ITFG1: variants seen among roughly 807,000 people sequenced by gnomAD.
ITFG1 encodes T-cell immunomodulatory protein.
A neutral mutation model predicts 81.8 loss-of-function variants in ITFG1; 34 were observed. The ratio of observed to expected loss-of-function variants is 0.42; its 90% CI spans 0.32 to 0.55. The LOEUF (loss-of-function observed/expected upper bound fraction) is 0.55, where lower values mean the gene tolerates loss of function less well. Ranked by LOEUF, ITFG1 falls within the 20% of genes least tolerant of loss-of-function variation. The pLI is 0.17. For synonymous variants in ITFG1, 285 were observed against 270.6 expected, an observed-to-expected ratio of 1.05 and a Z score of -0.52; for missense variants, 672 against 755.4, an observed-to-expected ratio of 0.89 and a Z score of 1.29.
Position 47,397,255 on chromosome 16 carries a change from G to C in ITFG1, c.656-21315C>G, listed in dbSNP as rs376331496. 3.3e-5 allele frequency among the ~76,000 whole-genome samples: 5 copies of C among 152,250 alleles called. No individual in the cohort carries two copies. In the East Asian group the frequency reaches 7.7e-4, roughly 24 times the overall value. ...TGAAAAGAAGCAAGAATGCAGATGA[G>C]AGCTGATGGTGGAGCTGGTGTTCCA... On this transcript the variant is annotated intron_variant, in intron 6 of 17. Coordinates refer to ENST00000320640, the MANE Select transcript of ITFG1 (RefSeq NM_030790.5).
chr16:47,166,516 G>A (rs1964891529), intron 14 of ITFG1, among the ~76,000 whole-genome samples: 2 of 151,826 alleles, frequency 1.3e-5, no homozygotes, highest in South Asian at 4.1e-4. Context: ...GAAAATTCTT[G>A]AAAAATAAAT....
chr16:47,211,619 AT>A (rs1965561701), intron 14 of ITFG1, among the ~76,000 whole-genome samples: 1 of 152,218 alleles, frequency 6.6e-6, no homozygotes, highest in Non-Finnish European at 1.5e-5. Flanking sequence ...TCAGTCTTTT[AT>A]CATTAAGCAT....
At chr16:47,281,239 A>C (rs2151550371) in intron 10 of ITFG1, among the ~76,000 whole-genome samples, 1 of 152,304 alleles carries the variant, frequency 6.6e-6, no homozygotes, top group Middle Eastern at 3.4e-3. Flanking sequence ...GGCTTGGATC[A>C]CTGGGCACAC....
intron 7 of ITFG1, among the ~76,000 whole-genome samples, chr16:47,375,418 A>C (rs1488030623): frequency 6.6e-6 from 1 of 152,216 alleles, no homozygotes; most frequent in Non-Finnish European, 1.5e-5. Flanking sequence ...TTAAAAAAAA[A>C]AAAACCCTAT....
chr16:47,253,078 A>G (rs531859737), intron 12 of ITFG1, among the ~76,000 whole-genome samples: 1 of 152,270 alleles, frequency 6.6e-6, no homozygotes, highest in East Asian at 1.9e-4. Context: ...TATGGGTCTC[A>G]GCTTGGAGAT....
intron 13 of ITFG1, among the ~76,000 whole-genome samples, chr16:47,224,151 CATGTATACAT>C (rs1965730621): frequency 6.6e-6 from 1 of 151,980 alleles, no homozygotes. Flanking sequence ...CAGCATGGCA[CATGTATACAT>C]ATGTAACAAA....
At chr16:47,397,856 C>T (rs1189742578) in intron 6 of ITFG1, among the ~76,000 whole-genome samples, 2 of 152,088 alleles carry the variant, frequency 1.3e-5, no homozygotes, top group African/African-American at 4.8e-5. Flanking sequence ...CAGGCAGCCA[C>T]GGGAACTAGC....
chr16:47,235,393 T>C (rs1388309237), intron 13 of ITFG1, among the ~76,000 whole-genome samples: 1 of 151,714 alleles, frequency 6.6e-6, no homozygotes. Flanking sequence ...AGTAACAGAG[T>C]GGGAGGGCTG....
chr16:47,304,629 C>T (rs566067378), intron 10 of ITFG1, among the ~76,000 whole-genome samples: 2 of 152,198 alleles, frequency 1.3e-5, no homozygotes, highest in South Asian at 4.1e-4. Context: ...ATATATGTGA[C>T]TGAAAGTATA....
At chr16:47,383,327 T>C (rs532003973) in intron 6 of ITFG1, among the ~76,000 whole-genome samples, 1 of 152,340 alleles carries the variant, frequency 6.6e-6, no homozygotes, top group Admixed American at 6.5e-5. Flanking sequence ...TTTTAAAATA[T>C]AAATTTTAGA....
At chr16:47,180,195 G>T (rs2151512991) in intron 14 of ITFG1, among the ~76,000 whole-genome samples, 1 of 152,278 alleles carries the variant, frequency 6.6e-6, no homozygotes, top group African/African-American at 2.4e-5. Flanking sequence ...AATTTGTGCA[G>T]TTGTTTTAGT....
chr16:47,357,070 G>C (rs1228996248), intron 8 of ITFG1, among the ~76,000 whole-genome samples: 4 of 151,958 alleles, frequency 2.6e-5, no homozygotes, highest in South Asian at 2.1e-4. Context: ...GCTATGCATA[G>C]TTAACAGAAC....
Position 47,321,095 on chromosome 16 carries a change from G to C in ITFG1, c.803-7272C>G, listed in dbSNP as rs75508323. 2.8e-3 allele frequency among the ~76,000 whole-genome samples: 430 copies of C among 152,324 alleles called. 1 individual carries two copies. Among genetic ancestry groups the C allele is most frequent in the Non-Finnish European group, 3.0e-3 (206 of 68,020 alleles). On this transcript the variant is annotated intron_variant, in intron 8 of 17. Transcript: ENST00000320640. Reference sequence around the variant, plus strand: ...GCATGACAGCTAACACAGGGAATAAGTCAAAATGCCTCCTTCCACCATCTG... The same window carrying C: ...GCATGACAGCTAACACAGGGAATAACTCAAAATGCCTCCTTCCACCATCTG...
chr16:47,173,655 A>G (rs955081513), intron 14 of ITFG1, among the ~76,000 whole-genome samples: 1 of 152,244 alleles, frequency 6.6e-6, no homozygotes, highest in Non-Finnish European at 1.5e-5. Context: ...TCCAACCACC[A>G]GATTCAAATG....
intron 12 of ITFG1, among the ~76,000 whole-genome samples, chr16:47,242,131 C>T (rs11859248): frequency 6.6e-6 from 1 of 151,658 alleles, no homozygotes; most frequent in Non-Finnish European, 1.5e-5. Context: ...AATTACATCT[C>T]AATAAAGCTG....
intron 2 of ITFG1, among the ~76,000 whole-genome samples, chr16:47,455,335 T>C (rs190171667): frequency 1.3e-5 from 2 of 150,892 alleles, no homozygotes; most frequent in Admixed American, 1.3e-4. Context: ...AAAACAGAAC[T>C]AATGCAACAA....
chr16:47,199,934 G>C (rs1965404631), intron 14 of ITFG1, among the ~76,000 whole-genome samples: 1 of 152,132 alleles, frequency 6.6e-6, no homozygotes, highest in African/African-American at 2.4e-5. Context: ...GTTCACAATA[G>C]GGTTTGCACT....
rs191804107 is a variant in ITFG1 at position 47,245,768 on chromosome 16, A to G, written c.1331-7760T>C. 1.0e-3 allele frequency among the ~76,000 whole-genome samples: 152 copies of G among 152,238 alleles called. 1 individual carries two copies. In the Middle Eastern group the frequency reaches 0.01, roughly 10 times the overall value. ...GTGAACACATGAATTTTCTTTTACA[A>G]ATAGTCTTCCTTAATCTTCATATCA... On this transcript the variant is annotated intron_variant, in intron 12 of 17. Coordinates refer to ENST00000320640, the MANE Select transcript of ITFG1 (RefSeq NM_030790.5).
intron 6 of ITFG1, among the ~76,000 whole-genome samples, chr16:47,411,153 G>A (rs1968805707): frequency 6.6e-6 from 1 of 152,196 alleles, no homozygotes; most frequent in South Asian, 2.1e-4. Flanking sequence ...GAGATCTGTG[G>A]CTGGCACTTG....
Sources: gnomAD v4.1 joint callset for allele counts (sites outside exome capture counted in the v4.1 genomes callset) on GRCh38, gnomAD v4.1.1 for gene constraint, MANE v1.5 for transcripts, NCBI Gene and HGNC (gene_info 2026-07-23, HGNC 2026-07-21) for gene names.